Variants in TENM3 observed in about 807,000 individuals in gnomAD.
TENM3 encodes teneurin-3.
In TENM3, 63 loss-of-function variants were observed where a neutral mutation model predicts 255.1. The observed-to-expected ratio is 0.25, with a 90% CI of 0.20 to 0.30. The LOEUF (loss-of-function observed/expected upper bound fraction) is 0.30, where lower values mean the gene tolerates loss of function less well. TENM3 is among the 10% of genes least tolerant of loss of function. TENM3 has a pLI of 1.00. For synonymous variants in TENM3, 1,306 were observed against 1,322.3 expected (o/e 0.99, Z 0.27); for missense variants, 2,929 against 3,461.1 (o/e 0.85, Z 3.86).
Position 182,751,903 on chromosome 4 carries a change from A to G in TENM3, c.3733A>G (p.Thr1245Ala). ...CAGAATTTATCGCCCAAAGTCACTT[A>G]CGGGGGCAAAAGACTTGACTAAAAA... ...TRRIYRPKSL[T>A]GAKDLTKNAE... Residue 1245 changes from threonine (T) to alanine (A), a missense_variant, in exon 20 of 28, where the codon ACG (threonine) becomes GCG (alanine). Coordinates refer to ENST00000511685, the MANE Select transcript of TENM3 (RefSeq NM_001080477.4). The G allele has an allele frequency of 6.2e-7, 1 of 1,613,888 alleles. No homozygotes were observed. The highest frequency in any genetic ancestry group is 1.1e-5 in the South Asian group (1 of 91,078).
At chr4:181,963,026 A>G in the TENM3 span, among the ~76,000 whole-genome samples, 1 of 152,168 alleles carries the variant, frequency 6.6e-6, no homozygotes, top group African/African-American at 2.4e-5. Context: ...AATACTTTCC[A>G]GACAGAAAAG....
chr4:182,351,856 A>G (rs1765202001), intron 3 of TENM3, among the ~76,000 whole-genome samples: 1 of 152,208 alleles, frequency 6.6e-6, no homozygotes, highest in African/African-American at 2.4e-5. Flanking sequence ...ACAGGGCTCT[A>G]GTCCTATGAG....
At chr4:181,799,982 A>G in the TENM3 span, among the ~76,000 whole-genome samples, 2 of 152,174 alleles carry the variant, frequency 1.3e-5, no homozygotes, top group Admixed American at 6.5e-5. Flanking sequence ...GGTTGCCCAG[A>G]ATAAGGTGGC....
chr4:181,466,691 A>G, the TENM3 span, among the ~76,000 whole-genome samples: 2 of 152,142 alleles, frequency 1.3e-5, no homozygotes. Context: ...CACATTTCAT[A>G]TGGCTTTCTG....
At chr4:182,534,234 G>A (rs965405023) in intron 3 of TENM3, among the ~76,000 whole-genome samples, 3 of 152,130 alleles carry the variant, frequency 2.0e-5, no homozygotes, top group African/African-American at 4.8e-5. Flanking sequence ...AGGGAGAACC[G>A]ACCCAGAATG....
At chr4:181,661,915 A>AC in the TENM3 span, among the ~76,000 whole-genome samples, 1 of 137,862 alleles carries the variant, frequency 7.3e-6, no homozygotes. Flanking sequence ...TAAAAAAAAA[A>AC]AAACCTCATT....
intron 3 of TENM3, among the ~76,000 whole-genome samples, chr4:182,533,538 CAA>C (rs776649364): frequency 9.9e-4 from 89 of 89,872 alleles, no homozygotes; most frequent in Admixed American, 8.2e-4. Flanking sequence ...GACCCTATCT[CAA>C]AAAAAAAAAA....
chr4:182,752,057 A>C, intron 20 of TENM3, 25 bp downstream of exon 20: 1 of 1,155,474 alleles, frequency 8.7e-7, no homozygotes, highest in Non-Finnish European at 1.2e-6. Context: ...CGATTTGAGG[A>C]TTTCTTTTTA....
the TENM3 span, among the ~76,000 whole-genome samples, chr4:181,574,911 T>C: frequency 1.3e-5 from 2 of 152,198 alleles, no homozygotes; most frequent in African/African-American, 4.8e-5. Flanking sequence ...AATATATTAT[T>C]GTTAGGGTTT....
At chr4:182,397,804 G>C (rs368436659) in intron 3 of TENM3, among the ~76,000 whole-genome samples, 5 of 152,124 alleles carry the variant, frequency 3.3e-5, no homozygotes, top group Non-Finnish European at 7.4e-5. Context: ...GCTATGACTT[G>C]CGAAGTTGCT....
chr4:182,296,138 T>C (rs1174608576), intron 1 of TENM3, among the ~76,000 whole-genome samples: 1 of 152,104 alleles, frequency 6.6e-6, no homozygotes, highest in East Asian at 1.9e-4. Context: ...TAATTTTGTA[T>C]GTTTAGTAGA....
the TENM3 span, among the ~76,000 whole-genome samples, chr4:181,715,220 A>G: frequency 6.6e-6 from 1 of 152,152 alleles, no homozygotes; most frequent in Non-Finnish European, 1.5e-5. Context: ...GAGAAGCTCT[A>G]TTTCTTTTTG....
the TENM3 span, among the ~76,000 whole-genome samples, chr4:182,003,042 A>T: frequency 6.6e-5 from 10 of 151,978 alleles, no homozygotes. Flanking sequence ...TCATTTTTTT[A>T]ATTGGATGGC....
rs200442268 is a variant in TENM3, at chr4:182,506,829, A to G, written c.512-94095A>G. Among the ~76,000 whole-genome samples, 4 of 152,206 alleles carry G rather than the reference A, an allele frequency of 2.6e-5. No individual in the cohort carries two copies. The East Asian group carries it at 7.7e-4, about 29-fold the overall frequency. On this transcript the variant is annotated intron_variant, in intron 3 of 27. Coordinates refer to ENST00000511685, the MANE Select transcript of TENM3 (RefSeq NM_001080477.4). ...CGAGACATCTTTTTGAACTTCCTTA[A>G]CTCTGTTTTGATAGTACTTAAACGG...
At chr4:182,100,628 C>CACACATATATATACACAT in the TENM3 span, among the ~76,000 whole-genome samples, 24 of 36,822 alleles carry the variant, frequency 6.5e-4, no homozygotes, top group South Asian at 3.4e-3. Context: ...TATACACACA[C>CACACATATATATACACAT]ATATATACAC....
At position 182,222,068 on chromosome 4, in the gene TENM3, C is replaced by T. The variant is rs191682125; in HGVS notation, c.-76+77314C>T. Among the ~76,000 whole-genome samples the T allele has an allele frequency of 1.1e-4, 16 of 152,276 alleles. No individual in the cohort carries two copies. The East Asian group carries it at 2.7e-3, about 26-fold the overall frequency. ...CAAGGCTTCCATCAACCTCCATCAG[C>T]GATTCCAGGCAGGAGGTTTACACAT... On this transcript the variant is annotated intron_variant, in intron 1 of 2. Coordinates refer to the TENM3 transcript ENST00000512480.
intron 3 of TENM3, among the ~76,000 whole-genome samples, chr4:182,533,036 C>T (rs1366254528): frequency 7.2e-5 from 11 of 152,292 alleles, no homozygotes; most frequent in Non-Finnish European, 5.9e-5. Flanking sequence ...ACTAAGGAGT[C>T]ATATTATTAT....
chr4:181,934,905 G>T, the TENM3 span, among the ~76,000 whole-genome samples: 39 of 152,256 alleles, frequency 2.6e-4, no homozygotes, highest in Admixed American at 2.5e-3. Context: ...ATTGTTTTAA[G>T]TTGATATGAT....
rs1762507529 is a variant in TENM3, at chr4:182,753,358, G to A, written c.3863-92G>A. On this transcript the variant is annotated intron_variant, in intron 20 of 27. Transcript: ENST00000511685. ...TACCTGTCACCCGTGTTGTCACTGG[G>A]GTTAAATAACTGAGTTTAATAATGG... 30 of 1,085,952 alleles carry A rather than the reference G, an allele frequency of 2.8e-5. 1 individual carries two copies. The South Asian group carries it at 4.2e-4, about 15-fold the overall frequency. 67.3% of individuals were successfully genotyped at this position (1,085,952 alleles called of 1,614,324 possible).
Sources: gnomAD v4.1 joint callset for allele counts (sites outside exome capture counted in the v4.1 genomes callset) on GRCh38, gnomAD v4.1.1 for gene constraint, MANE v1.5 for transcripts, NCBI Gene and HGNC (gene_info 2026-07-23, HGNC 2026-07-21) for gene names.